PDE6B: variants seen among roughly 807,000 people sequenced by gnomAD.
The protein encoded by PDE6B is phosphodiesterase 6B, also known as rod cGMP-specific 3',5'-cyclic phosphodiesterase subunit beta.
A neutral mutation model predicts 109.0 loss-of-function variants in PDE6B; 106 were observed. That is an observed-to-expected ratio of 0.97 (90% confidence interval 0.83 to 1.14). The LOEUF is 1.14. PDE6B is among the 50% of genes most tolerant of loss of function. The probability of loss-of-function intolerance (pLI) is 0.00; values close to 1 mark genes in which losing one functional copy is unlikely to be tolerated. For missense variants in PDE6B, 1,193 were observed against 1,155.6 expected (o/e 1.03, Z -0.47); for synonymous variants, 490 against 471.3 (o/e 1.04, Z -0.51).
At chr4:627,445 C>T (rs1560099769) in intron 1 of PDE6B, among the ~76,000 whole-genome samples, 1 of 152,096 alleles carries the variant, frequency 6.6e-6, no homozygotes, top group African/African-American at 2.4e-5. Flanking sequence ...CGCACCAGGC[C>T]GGAAGTGGCA....
chr4:627,779 C>A (rs1015182766), intron 1 of PDE6B, among the ~76,000 whole-genome samples: 1 of 151,978 alleles, frequency 6.6e-6, no homozygotes, highest in Non-Finnish European at 1.5e-5. Flanking sequence ...CTCATCCCCA[C>A]CCTGTCCCAA....
intron 3 of PDE6B, among the ~76,000 whole-genome samples, chr4:641,416 C>T (rs28436699): frequency 0.025 from 3,781 of 152,316 alleles, 152 homozygotes; most frequent in African/African-American, 0.086. Context: ...AGGCGGTCAG[C>T]GCAGGAGCCA....
At position 663,895 on chromosome 4, in the gene PDE6B, C is replaced by G. The variant is rs748419744; in HGVS notation, c.2021+25C>G. 15 of 1,557,062 alleles carry G rather than the reference C, an allele frequency of 9.6e-6. 1 individual carries two copies. In the South Asian group the frequency reaches 1.7e-4, roughly 18 times the overall value. On this transcript the variant is annotated intron_variant, in intron 16 of 21. Transcript: ENST00000496514. This position sits in a 1 kb window ranked among gnomAD's most constrained non-coding sequence, Gnocchi z 4.0. ...AGTGCGCGCCTTCCGGGAGGGGGCG[C>G]CTCGCGGGGCGGGCGGGTAGCCTGG...
intron 4 of PDE6B, 25 bp downstream of exon 4, chr4:654,017 C>T: frequency 6.2e-7 from 1 of 1,613,718 alleles, no homozygotes; most frequent in Non-Finnish European, 8.5e-7. Context: ...GCTCAGGGAC[C>T]CCCTGCCTGG....
At chr4:660,292 C>T (rs1320519664) in intron 11 of PDE6B, among the ~76,000 whole-genome samples, 175 bp from the exon 12 acceptor site, 2 of 152,146 alleles carry the variant, frequency 1.3e-5, no homozygotes, top group Non-Finnish European at 2.9e-5. Flanking sequence ...TGAGGCTGAG[C>T]CAGGGGGGCG....
At chr4:664,582 G>T (rs1303518176) in intron 17 of PDE6B, among the ~76,000 whole-genome samples, 1 of 152,174 alleles carries the variant, frequency 6.6e-6, no homozygotes, top group South Asian at 2.1e-4. Flanking sequence ...TTGGGAGGCC[G>T]AGGGGAGTGG....
At chr4:638,476 C>A (rs1281740878) in intron 3 of PDE6B, among the ~76,000 whole-genome samples, 6 of 152,150 alleles carry the variant, frequency 3.9e-5, no homozygotes, top group African/African-American at 7.2e-5. Context: ...GCGCCCACCA[C>A]CACGCCCAGC....
Position 663,071 on chromosome 4 carries a change from G to C in PDE6B, c.1833-29G>C, listed in dbSNP as rs1267780053. On this transcript the variant is annotated intron_variant, in intron 14 of 21. Transcript: ENST00000496514. The surrounding 1 kb of genome is among the most constrained non-coding windows in gnomAD (Gnocchi z 4.0). ...AGGGTGGGCCAAGGGCAGGTCCCAC[G>C]GGCCTCACCTCCACCACCTGTGTAA... 2.9e-6 allele frequency: 4 copies of C among 1,362,122 alleles called. No homozygotes were observed. Among genetic ancestry groups the C allele is most frequent in the Non-Finnish European group, 4.2e-6 (4 of 950,382 alleles). 84.4% of individuals were successfully genotyped at this position (1,362,122 alleles called of 1,614,324 possible).
At chr4:659,668 A>G (rs957211098) in intron 11 of PDE6B, among the ~76,000 whole-genome samples, 4 of 146,340 alleles carry the variant, frequency 2.7e-5, no homozygotes, top group East Asian at 2.1e-4. Context: ...GCCCACGAGT[A>G]TGTGTGTGCA....
chr4:669,366 C>G (rs1409778113), intron 21 of PDE6B, among the ~76,000 whole-genome samples: 16 of 132,852 alleles, frequency 1.2e-4, no homozygotes, highest in South Asian at 2.3e-4. Flanking sequence ...TTCCCACTAC[C>G]CCATGCTATT....
rs192490873 is a variant in PDE6B, at chr4:634,839, G to C, written c.621+10G>C. On this transcript the variant is annotated intron_variant, in intron 2 of 21. Coordinates refer to ENST00000496514, the MANE Select transcript of PDE6B (RefSeq NM_000283.4). ...CAGCGAAGACGAAGATGTGAGTGTGGGGGGCACCTGGGCAGCCGCGCGTCT... is the reference window on the plus strand; with the variant it reads ...CAGCGAAGACGAAGATGTGAGTGTGCGGGGCACCTGGGCAGCCGCGCGTCT... The C allele has an allele frequency of 1.2e-6, 2 of 1,612,952 alleles. No individual in the cohort carries two copies. Among genetic ancestry groups the C allele is most frequent in the Non-Finnish European group, 1.7e-6 (2 of 1,178,990 alleles).
chr4:638,404 C>T (rs1169580919), intron 3 of PDE6B, among the ~76,000 whole-genome samples: 1 of 152,108 alleles, frequency 6.6e-6, no homozygotes. Context: ...CTCACTGCAA[C>T]CTCCGCCTCC....
intron 12 of PDE6B, 176 bp from the exon 13 acceptor site, chr4:661,958 G>A (rs1737150558): frequency 4.7e-6 from 3 of 642,794 alleles, no homozygotes; most frequent in Non-Finnish European, 8.5e-6. Context: ...CCCTACCCAG[G>A]AAGGCCAGCA....
At position 634,657 on chromosome 4, in the gene PDE6B, T is replaced by G; in HGVS notation, c.469-20T>G. ...CCACGGTGCGACAGCCTCTTTAGCC[T>G]CTTTCCTCTCTTGCGGCAGTGCCCT... On this transcript the variant is annotated intron_variant, in intron 1 of 21. Coordinates refer to ENST00000496514, the MANE Select transcript of PDE6B (RefSeq NM_000283.4). 6.2e-7 allele frequency: 1 copy of G among 1,608,220 alleles called. No individual in the cohort carries two copies. Among genetic ancestry groups the G allele is most frequent in the Non-Finnish European group, 8.5e-7 (1 of 1,174,716 alleles).
intron 20 of PDE6B, among the ~76,000 whole-genome samples, chr4:667,450 G>A (rs112530326): frequency 1.4e-4 from 21 of 152,308 alleles, no homozygotes; most frequent in African/African-American, 4.8e-4. Context: ...TGTGATGTGC[G>A]CGAGTGCACG....
At chr4:637,935 G>A (rs28818828) in intron 3 of PDE6B, among the ~76,000 whole-genome samples, 3,614 of 152,294 alleles carry the variant, frequency 0.024, 144 homozygotes, top group African/African-American at 0.083. Flanking sequence ...CCAGCGCAGG[G>A]GAATAGCCGC....
chr4:652,988 C>T (rs1332566384), intron 3 of PDE6B: 1 of 164,396 alleles, frequency 6.1e-6, no homozygotes. Flanking sequence ...AAAACATAAA[C>T]CCCATCAATA....
intron 6 of PDE6B, chr4:655,106 C>T (rs563658822): frequency 2.5e-5 from 15 of 595,772 alleles, no homozygotes; most frequent in East Asian, 2.2e-4. Context: ...GTGAGGAGGA[C>T]GTGGGCTGCT....
rs1388887846 is a variant in PDE6B, at chr4:633,647, TTGAC to T, written c.469-1027_469-1024del. Among the ~76,000 whole-genome samples, 1 of 152,144 alleles carries T rather than the reference TTGAC, an allele frequency of 6.6e-6. No homozygotes were observed. The highest frequency in any genetic ancestry group is 1.5e-5 in the Non-Finnish European group (1 of 68,010). ...GGCAGAGCCTGTTATTTTTGCCCCA[TTGAC>T]TGGTGAGGAGAAGGCCACAGAACCA... On this transcript the variant is annotated intron_variant, in intron 1 of 21. Transcript: ENST00000496514. The surrounding 1 kb of genome is among the most constrained non-coding windows in gnomAD (Gnocchi z 4.5).
Sources: gnomAD v4.1 joint callset for allele counts (sites outside exome capture counted in the v4.1 genomes callset) on GRCh38, gnomAD v4.1.1 for gene constraint, Gnocchi (gnomAD v3.1) non-coding constraint, MANE v1.5 for transcripts, NCBI Gene and HGNC (gene_info 2026-07-23, HGNC 2026-07-21) for gene names.